CAMTA1: variants seen among roughly 807,000 people sequenced by gnomAD.
CAMTA1 encodes the protein calmodulin-binding transcription activator 1.
Under a neutral mutation model 170.9 loss-of-function variants are expected in CAMTA1, and 27 were observed. The ratio of observed to expected loss-of-function variants is 0.16; its 90% CI spans 0.12 to 0.22. The LOEUF is 0.22. CAMTA1 is among the 10% of genes least tolerant of loss of function. The probability of loss-of-function intolerance (pLI) is 1.00; values close to 1 mark genes in which losing one functional copy is unlikely to be tolerated. For synonymous variants in CAMTA1, 833 were observed against 891.5 expected, an observed-to-expected ratio of 0.93 and a Z score of 1.17; for missense variants, 1,619 against 2,217.2, an observed-to-expected ratio of 0.73 and a Z score of 5.42.
chr1:7,671,244 C>T (rs901031019), intron 10 of CAMTA1, among the ~76,000 whole-genome samples: 2 of 152,316 alleles, frequency 1.3e-5, no homozygotes, highest in African/African-American at 4.8e-5. Context: ...GGGACACAGG[C>T]ACGCTTGACT....
At chr1:7,744,240 T>C (rs2150086434) in intron 16 of CAMTA1, among the ~76,000 whole-genome samples, 1 of 151,588 alleles carries the variant, frequency 6.6e-6, no homozygotes, top group Middle Eastern at 3.4e-3. Context: ...TAAGTGATTC[T>C]CCTGCCTCAG....
At chr1:7,018,206 G>A (rs1370379726) in intron 3 of CAMTA1, among the ~76,000 whole-genome samples, 4 of 145,712 alleles carry the variant, frequency 2.7e-5, no homozygotes, top group African/African-American at 7.7e-5. Context: ...TGGATGGAGC[G>A]GGGGCTTAGG....
At chr1:7,371,366 C>A (rs1278232572) in intron 5 of CAMTA1, among the ~76,000 whole-genome samples, 3 of 152,176 alleles carry the variant, frequency 2.0e-5, no homozygotes, top group African/African-American at 7.2e-5. Context: ...AAGTGATTAT[C>A]TTGCCTCAGC....
intron 6 of CAMTA1, among the ~76,000 whole-genome samples, chr1:7,545,957 CTT>C (rs70987353): frequency 2.2e-4 from 29 of 131,462 alleles, no homozygotes; most frequent in African/African-American, 3.9e-4. Context: ...CTTTTCTTTT[CTT>C]TTTTTTTTTT....
intron 3 of CAMTA1, among the ~76,000 whole-genome samples, chr1:6,868,554 C>G (rs1255097878): frequency 6.6e-6 from 1 of 151,936 alleles, no homozygotes; most frequent in Non-Finnish European, 1.5e-5. Flanking sequence ...TTTAACCTTA[C>G]TAGAAATGAC....
At chr1:6,888,349 G>A in intron 3 of CAMTA1, 1 of 688,926 alleles carries the variant, frequency 1.5e-6, no homozygotes, top group Non-Finnish European at 1.8e-6. Context: ...GCCTAGTTCA[G>A]GGTGCTGTGA....
At position 7,250,237 on chromosome 1, in the gene CAMTA1, A is replaced by G. The variant is rs566310666; in HGVS notation, c.438+611A>G. ...TTCCTTGCTGTTGTTTTCACCCCAC[A>G]GACTCTCAACCTTGGGCAGCCATGG... On this transcript the variant is annotated intron_variant, in intron 5 of 22. Coordinates refer to ENST00000303635, the MANE Select transcript of CAMTA1 (RefSeq NM_015215.4). Among the ~76,000 whole-genome samples, 51 of 152,364 alleles carry G rather than the reference A, an allele frequency of 3.3e-4. No individual in the cohort carries two copies. In the South Asian group the frequency reaches 3.5e-3, roughly 11 times the overall value.
chr1:7,005,165 A>G (rs990387999), intron 3 of CAMTA1, among the ~76,000 whole-genome samples: 2 of 152,238 alleles, frequency 1.3e-5, no homozygotes, highest in Non-Finnish European at 2.9e-5. Flanking sequence ...AGGTGGACCA[A>G]CTGTGACTAT....
rs1641751127 is a variant in CAMTA1, at chr1:7,093,780, G to C, written c.302+2409G>C. Among the ~76,000 whole-genome samples, 1 of 152,174 alleles carries C rather than the reference G, an allele frequency of 6.6e-6. No individual in the cohort carries two copies. The highest frequency in any genetic ancestry group is 1.5e-5 in the Non-Finnish European group (1 of 68,022). On this transcript the variant is annotated intron_variant, in intron 4 of 22. Transcript: ENST00000303635. This position sits in a 1 kb window ranked among gnomAD's most constrained non-coding sequence, Gnocchi z 4.6. ...GGCAGAAGAAGGAAGGTGGGTTTCA[G>C]ATGTGGTCAAGTCCGGGTTTGAGTC...
intron 3 of CAMTA1, chr1:6,871,953 T>C: frequency 7.8e-7 from 1 of 1,286,608 alleles, no homozygotes; most frequent in Non-Finnish European, 9.8e-7. Flanking sequence ...GATACCCCTT[T>C]GAGTGATAAA....
At chr1:6,817,479 T>C in intron 1 of CAMTA1, among the ~76,000 whole-genome samples, 1 of 152,196 alleles carries the variant, frequency 6.6e-6, no homozygotes, top group East Asian at 1.9e-4. Flanking sequence ...GATCTTCCCA[T>C]GAACCACTTT....
At chr1:7,623,586 C>T (rs2095613364) in intron 6 of CAMTA1, among the ~76,000 whole-genome samples, 1 of 152,230 alleles carries the variant, frequency 6.6e-6, no homozygotes, top group Non-Finnish European at 1.5e-5. Flanking sequence ...GCAACCTCTG[C>T]CTCCTGGGTT....
intron 3 of CAMTA1, among the ~76,000 whole-genome samples, chr1:7,045,513 A>G (rs139175916): frequency 5.9e-5 from 9 of 152,352 alleles, no homozygotes; most frequent in African/African-American, 7.2e-5. Context: ...CAAACTCTTT[A>G]AACTTTATAT....
intron 6 of CAMTA1, among the ~76,000 whole-genome samples, chr1:7,557,900 G>C (rs2094901189): frequency 6.6e-6 from 1 of 152,198 alleles, no homozygotes; most frequent in Non-Finnish European, 1.5e-5. Context: ...GGACTGTCTG[G>C]GGCTGCAGTG....
Position 6,785,491 on chromosome 1 carries a change from G to A in CAMTA1, c.-40G>A. On this transcript the variant is annotated 5_prime_UTR_variant, in exon 1 of 23. Transcript: ENST00000303635. ...GCTGGGCCGGCGGCGGCGGCGGTAC[G>A]AGGCGCGCGCTCGGGGTCCCGGTCG... 1 of 1,023,132 alleles carries A rather than the reference G, an allele frequency of 9.8e-7. No homozygotes were observed. The highest frequency in any genetic ancestry group is 1.2e-6 in the Non-Finnish European group (1 of 849,280). 63.4% of individuals were successfully genotyped at this position (1,023,132 alleles called of 1,614,324 possible).
At chr1:7,420,285 A>AGTG (rs754884591) in intron 5 of CAMTA1, among the ~76,000 whole-genome samples, 35 of 151,892 alleles carry the variant, frequency 2.3e-4, no homozygotes, top group Non-Finnish European at 2.9e-5. Context: ...CCATCACCCC[A>AGTG]GCGGAGAGAC....
At chr1:6,950,850 A>G (rs1354903278) in intron 3 of CAMTA1, among the ~76,000 whole-genome samples, 1 of 152,164 alleles carries the variant, frequency 6.6e-6, no homozygotes, top group Non-Finnish European at 1.5e-5. Flanking sequence ...ACGCTCTACA[A>G]TCGGATGCCC....
intron 7 of CAMTA1, among the ~76,000 whole-genome samples, chr1:7,643,970 C>G (rs2095786153): frequency 6.6e-6 from 1 of 152,236 alleles, no homozygotes; most frequent in African/African-American, 2.4e-5. Flanking sequence ...GGCGGGTCAC[C>G]CAACACTGGA....
At chr1:7,087,631 A>G (rs973548287) in intron 3 of CAMTA1, among the ~76,000 whole-genome samples, 1 of 152,218 alleles carries the variant, frequency 6.6e-6, no homozygotes, top group Non-Finnish European at 1.5e-5. Flanking sequence ...TTCTGGTTCT[A>G]CAGGTACTGG....
Sources: allele counts gnomAD v4.1 joint callset (sites outside exome capture counted in the v4.1 genomes callset), GRCh38; gene constraint gnomAD v4.1.1; non-coding constraint Gnocchi (gnomAD v3.1); transcripts MANE v1.5; gene names NCBI Gene and HGNC (gene_info 2026-07-23, HGNC 2026-07-21).